YAF2: variants seen among roughly 807,000 people sequenced by gnomAD.
The protein encoded by YAF2 is YY1 associated factor 2.
In YAF2, 7 loss-of-function variants were observed where a neutral mutation model predicts 20.1. That is an observed-to-expected ratio of 0.35 (90% CI 0.20 to 0.65). The LOEUF (loss-of-function observed/expected upper bound fraction) is 0.65, where lower values mean the gene tolerates loss of function less well. Among genes scored for constraint, YAF2 ranks in the 30% least tolerant of loss-of-function variants. The pLI, the probability that YAF2 is intolerant of heterozygous loss-of-function variation, is 0.69. For missense variants in YAF2, 151 were observed against 219.2 expected (o/e 0.69, Z 1.96); for synonymous variants, 74 against 76.0 (o/e 0.97, Z 0.14).
In YAF2 at chr12:42,177,350, C is replaced by G. The variant is rs1299453556; in HGVS notation, c.153-15585G>C. Among the ~76,000 whole-genome samples, 3 of 152,094 alleles carry G rather than the reference C, an allele frequency of 2.0e-5. No individual in the cohort carries two copies. The East Asian group carries it at 5.8e-4, about 29-fold the overall frequency. On this transcript the variant is annotated intron_variant, in intron 2 of 3. Transcript: ENST00000534854. Reference sequence around the variant, plus strand: ...TCACAGTTCTGGAGGGTGGAAAGTCCAAGACCAAGGTCCAGTAGGGTTCCG... The same window carrying G: ...TCACAGTTCTGGAGGGTGGAAAGTCGAAGACCAAGGTCCAGTAGGGTTCCG...
chr12:42,168,927 A>ATAC (rs2136984805), intron 2 of YAF2, among the ~76,000 whole-genome samples: 1 of 152,296 alleles, frequency 6.6e-6, no homozygotes, highest in East Asian at 1.9e-4. Context: ...TGTGGGGCTC[A>ATAC]TACCACCCCT....
chr12:42,226,357 T>C (rs939613609), intron 2 of YAF2, among the ~76,000 whole-genome samples: 3 of 152,188 alleles, frequency 2.0e-5, no homozygotes, highest in African/African-American at 4.8e-5. Flanking sequence ...ATGTACAATA[T>C]CATCCTTGAA....
intron 2 of YAF2, among the ~76,000 whole-genome samples, chr12:42,208,558 A>G (rs1592005370): frequency 6.6e-6 from 1 of 152,348 alleles, no homozygotes; most frequent in East Asian, 1.9e-4. Context: ...GTTAAGATCA[A>G]TCTATAGCCA....
chr12:42,183,443 G>A (rs1461935742), intron 2 of YAF2, among the ~76,000 whole-genome samples: 2 of 152,154 alleles, frequency 1.3e-5, no homozygotes, highest in Non-Finnish European at 2.9e-5. Context: ...AAAAGCTGTC[G>A]AAGGAAATTT....
Position 42,175,649 on chromosome 12 carries a change from G to T in YAF2, c.153-13884C>A, listed in dbSNP as rs2066164008. Among the ~76,000 whole-genome samples, 4 of 142,738 alleles carry T rather than the reference G, an allele frequency of 2.8e-5. No homozygotes were observed. In the South Asian group the frequency reaches 9.0e-4, roughly 32 times the overall value. The allele number at this position is 142,738 out of a possible 152,430, so 93.6% of individuals were successfully genotyped here. A position where few individuals can be genotyped will look rare whatever the true frequency, so the allele number is the denominator to read the frequency against. On this transcript the variant is annotated intron_variant, in intron 2 of 3. Transcript: ENST00000534854. ...CCCAGCACTATGGGAGGCCGAGGTGGGCAGATCATGAGGTCAAAAGATTGA... is the reference window on the plus strand; with the variant it reads ...CCCAGCACTATGGGAGGCCGAGGTGTGCAGATCATGAGGTCAAAAGATTGA...
At chr12:42,184,726 C>G (rs75286201) in intron 2 of YAF2, among the ~76,000 whole-genome samples, 2 of 152,142 alleles carry the variant, frequency 1.3e-5, no homozygotes, top group African/African-American at 4.8e-5. Context: ...CTTCGCCATT[C>G]TAGATGTCAT....
At chr12:42,224,382 CTTTTTT>C in intron 2 of YAF2, among the ~76,000 whole-genome samples, 1 of 152,016 alleles carries the variant, frequency 6.6e-6, no homozygotes, top group Non-Finnish European at 1.5e-5. Context: ...CAATATATTT[CTTTTTT>C]TTATTATACT....
intron 2 of YAF2, chr12:42,172,095 T>C (rs1232646221): frequency 6.6e-6 from 1 of 152,258 alleles, no homozygotes; most frequent in Non-Finnish European, 1.5e-5. Context: ...TTGATTTAGT[T>C]GTGCAATGCT....
At chr12:42,173,665 T>G (rs529041256) in intron 2 of YAF2, among the ~76,000 whole-genome samples, 15 of 152,292 alleles carry the variant, frequency 9.8e-5, no homozygotes, top group South Asian at 6.2e-4. Flanking sequence ...CCAACAGACT[T>G]CTACAGCACC....
chr12:42,176,967 C>T (rs1361751377), intron 2 of YAF2, among the ~76,000 whole-genome samples: 1 of 152,134 alleles, frequency 6.6e-6, no homozygotes, highest in African/African-American at 2.4e-5. Flanking sequence ...AACTCTGTCT[C>T]AAAAAATAAA....
intron 2 of YAF2, among the ~76,000 whole-genome samples, chr12:42,197,814 T>C (rs1565625141): frequency 6.6e-6 from 1 of 152,224 alleles, no homozygotes; most frequent in Non-Finnish European, 1.5e-5. Flanking sequence ...TTGGCTGCTA[T>C]TGGGATACAT....
intron 2 of YAF2, among the ~76,000 whole-genome samples, chr12:42,182,265 T>C (rs1032975904): frequency 3.3e-5 from 5 of 152,172 alleles, no homozygotes; most frequent in African/African-American, 1.2e-4. Context: ...TGTTAACATA[T>C]GATGTGGCCG....
chr12:42,226,796 G>A (rs1414887821), intron 2 of YAF2, among the ~76,000 whole-genome samples: 2 of 152,088 alleles, frequency 1.3e-5, no homozygotes, highest in Non-Finnish European at 2.9e-5. Flanking sequence ...AATAGCAATA[G>A]TCAAATTTGA....
In YAF2 at chr12:42,211,857, T is replaced by A. The variant is rs867156962; in HGVS notation, c.152+25742A>T. Among the ~76,000 whole-genome samples the A allele has an allele frequency of 4.6e-5, 7 of 150,628 alleles. No homozygotes were observed. The South Asian group carries it at 1.5e-3, about 32-fold the overall frequency. On this transcript the variant is annotated intron_variant, in intron 2 of 3. Coordinates refer to ENST00000534854, the MANE Select transcript of YAF2 (RefSeq NM_005748.6). The stretch of plus-strand genomic sequence containing the variant: ...TGAGGTTAGGAATTCTAGACCAGCC[T>A]CACTAACATAGTGAAACCCCGTCTC...
intron 2 of YAF2, among the ~76,000 whole-genome samples, chr12:42,187,439 C>T (rs1457195633): frequency 6.6e-6 from 1 of 152,030 alleles, no homozygotes; most frequent in South Asian, 2.1e-4. Flanking sequence ...GGATTACAGC[C>T]CACCTTGTTT....
At chr12:42,226,061 G>A (rs2137345402) in intron 2 of YAF2, among the ~76,000 whole-genome samples, 1 of 152,140 alleles carries the variant, frequency 6.6e-6, no homozygotes, top group South Asian at 2.1e-4. Flanking sequence ...CTTGAGCAGT[G>A]GTTTGTAGTT....
chr12:42,224,528 G>GC (rs1232296880), intron 2 of YAF2, among the ~76,000 whole-genome samples: 1 of 151,460 alleles, frequency 6.6e-6, no homozygotes. Flanking sequence ...CCCTCCTCTA[G>GC]CCCCCCACCC....
intron 2 of YAF2, among the ~76,000 whole-genome samples, chr12:42,190,042 G>C (rs1007939833): frequency 6.6e-6 from 1 of 152,126 alleles, no homozygotes; most frequent in African/African-American, 2.4e-5. Flanking sequence ...TACTTTTGTC[G>C]TTTTATTAAG....
intron 2 of YAF2, among the ~76,000 whole-genome samples, chr12:42,222,612 A>G (rs1396299787): frequency 1.3e-5 from 2 of 152,174 alleles, no homozygotes; most frequent in African/African-American, 4.8e-5. Context: ...ATATATATTC[A>G]ATACTTGAAA....
Sources: gnomAD v4.1 joint callset for allele counts (sites outside exome capture counted in the v4.1 genomes callset) on GRCh38, gnomAD v4.1.1 for gene constraint, MANE v1.5 for transcripts, NCBI Gene and HGNC (gene_info 2026-07-23, HGNC 2026-07-21) for gene names.